Variants in MMAB observed in about 807,000 individuals in gnomAD.
MMAB encodes corrinoid adenosyltransferase MMAB.
MMAB carries 17 observed loss-of-function variants against 30.6 expected under a neutral mutation model. That is an observed-to-expected ratio of 0.56 (90% CI 0.38 to 0.83). The LOEUF is 0.83. MMAB is among the 40% of genes least tolerant of loss of function. The pLI is 0.00. For missense variants in MMAB, 311 were observed against 331.6 expected (o/e 0.94, Z 0.48); for synonymous variants, 134 against 138.6 (o/e 0.97, Z 0.23).
chr12:109,568,694 G>T, intron 3 of MMAB, 76 bp downstream of exon 3: 1 of 1,154,320 alleles, frequency 8.7e-7, no homozygotes, highest in Non-Finnish European at 1.3e-6. Context: ...CCCAGCATGC[G>T]TGAGAGCTTC....
chr12:109,560,240 AC>A (rs1386289177), intron 7 of MMAB, among the ~76,000 whole-genome samples: 1 of 152,154 alleles, frequency 6.6e-6, no homozygotes, highest in Non-Finnish European at 1.5e-5. Context: ...CTTGGCCCAG[AC>A]AGACGTGGAC....
At chr12:109,567,931 C>A (rs1180549271) in intron 3 of MMAB, 1 of 152,224 alleles carries the variant, frequency 6.6e-6, no homozygotes, top group Non-Finnish European at 1.5e-5. Context: ...AGCCGCTGCA[C>A]CTAGTCATTT....
At chr12:109,564,154 G>A (rs971461784) in intron 4 of MMAB, among the ~76,000 whole-genome samples, 11 of 152,172 alleles carry the variant, frequency 7.2e-5, no homozygotes, top group African/African-American at 2.4e-4. Flanking sequence ...CTTCGTTGAC[G>A]GGGGCTGTCC....
chr12:109,567,489 G>T (rs896567349), intron 3 of MMAB, among the ~76,000 whole-genome samples: 1 of 152,162 alleles, frequency 6.6e-6, no homozygotes, highest in East Asian at 1.9e-4. Context: ...TGCTCCCCCT[G>T]TCACCAGCCT....
At chr12:109,560,173 G>A (rs11067253) in intron 7 of MMAB, among the ~76,000 whole-genome samples, 36,887 of 152,140 alleles carry the variant, frequency 0.24, 4,606 homozygotes, top group Middle Eastern at 0.28. Flanking sequence ...ATCTGGGCCC[G>A]AGAGCCTTTC....
chr12:109,563,108 A>C (rs1416609652), intron 4 of MMAB, among the ~76,000 whole-genome samples: 2 of 152,380 alleles, frequency 1.3e-5, no homozygotes, highest in South Asian at 4.1e-4. Flanking sequence ...GCTTCTGACC[A>C]GCAGACCTTG....
Position 109,561,049 on chromosome 12 carries a change from G to A in MMAB, c.575C>T (p.Ala192Val). ...TCTCCAGCCCTCTTACCGTCTCTCG[G>A]CCCGGCGGCACACGGCCCGGCAGAA... The part of the protein sequence containing the change: ...LHFCRAVCRR[A>V]ERRVVPLVQM... Residue 192 changes from alanine to valine, a missense_variant, in exon 7 of 9, where the codon GCC becomes GTC. Coordinates refer to ENST00000545712, the MANE Select transcript of MMAB (RefSeq NM_052845.4). This position sits in a 1 kb window ranked among gnomAD's most constrained non-coding sequence, Gnocchi z 5.3. 1 of 1,594,306 alleles carries A rather than the reference G, an allele frequency of 6.3e-7. No homozygotes were observed. The highest frequency in any genetic ancestry group is 8.5e-7 in the Non-Finnish European group (1 of 1,170,756).
Position 109,558,373 on chromosome 12 carries a change from G to A in MMAB, c.644+723C>T, listed in dbSNP as rs181329711. On this transcript the variant is annotated intron_variant, in intron 8 of 8. Transcript: ENST00000545712. The surrounding 1 kb of genome is among the most constrained non-coding windows in gnomAD (Gnocchi z 4.3). Reference sequence around the variant, plus strand: ...GGAGCTGCTCAGGACCCGTCAAAGCGCCATGTCTCTGGGAGGAGTGGCCAC... The same window carrying A: ...GGAGCTGCTCAGGACCCGTCAAAGCACCATGTCTCTGGGAGGAGTGGCCAC... Among the ~76,000 whole-genome samples the A allele has an allele frequency of 2.6e-5, 4 of 152,126 alleles. No homozygotes were observed. The highest frequency in any genetic ancestry group is 2.1e-4 in the South Asian group (1 of 4,826).
At chr12:109,568,661 G>T in intron 3 of MMAB, 109 bp downstream of exon 3, 1 of 892,034 alleles carries the variant, frequency 1.1e-6, no homozygotes, top group Non-Finnish European at 1.9e-6. Flanking sequence ...TTCAATAAGG[G>T]CTGACAACCT....
chr12:109,573,304 T>C, intron 1 of MMAB, 43 bp downstream of exon 1: 6 of 1,612,232 alleles, frequency 3.7e-6, no homozygotes, highest in Non-Finnish European at 5.1e-6. Context: ...GACACCACGA[T>C]TCACGGCAGG....
At chr12:109,571,904 G>C (rs1227033720) in intron 1 of MMAB, among the ~76,000 whole-genome samples, 194 bp from the exon 2 acceptor site, 2 of 152,224 alleles carry the variant, frequency 1.3e-5, no homozygotes, top group Non-Finnish European at 2.9e-5. Flanking sequence ...GGCAAGACCA[G>C]AGCTGGATGA....
Position 109,561,286 on chromosome 12 carries a change from G to A in MMAB, c.519+134C>T, listed in dbSNP as rs776669649. ...GTGGGCAGGGCTGGGAGGGACCGGT[G>A]AGGACCTGGAGGGACTTGGGGAACT... On this transcript the variant is annotated intron_variant, in intron 6 of 8. Coordinates refer to ENST00000545712, the MANE Select transcript of MMAB (RefSeq NM_052845.4). The surrounding 1 kb of genome is among the most constrained non-coding windows in gnomAD (Gnocchi z 5.3). The A allele has an allele frequency of 1.9e-6, 3 of 1,568,998 alleles. No homozygotes were observed. Among genetic ancestry groups the A allele is most frequent in the East Asian group, 2.3e-5 (1 of 42,868 alleles).
At chr12:109,563,188 T>C (rs1318702072) in intron 4 of MMAB, among the ~76,000 whole-genome samples, 1 of 152,178 alleles carries the variant, frequency 6.6e-6, no homozygotes, top group Non-Finnish European at 1.5e-5. Flanking sequence ...TACTACCCAC[T>C]TGGTTGGCCA....
At chr12:109,562,006 C>T (rs983359219) in intron 4 of MMAB, among the ~76,000 whole-genome samples, 154 bp from the exon 5 acceptor site, 2 of 152,224 alleles carry the variant, frequency 1.3e-5, no homozygotes, top group Non-Finnish European at 2.9e-5. Context: ...CCATCCAAAT[C>T]TCATGTTAAA....
Position 109,558,586 on chromosome 12 carries a change from C to A in MMAB, c.644+510G>T, listed in dbSNP as rs763910091. 1.1e-4 allele frequency among the ~76,000 whole-genome samples: 16 copies of A among 152,248 alleles called. No individual in the cohort carries two copies. Among genetic ancestry groups the A allele is most frequent in the Non-Finnish European group, 1.5e-4 (10 of 67,996 alleles). On this transcript the variant is annotated intron_variant, in intron 8 of 8. Transcript: ENST00000545712. This position sits in a 1 kb window ranked among gnomAD's most constrained non-coding sequence, Gnocchi z 4.3. ...TGTGGCTCCAGCCTCATGGGCCGGC[C>A]GCGAGGCAGAGGAAGCCCTCCCTGG...
chr12:109,567,298 A>G, intron 3 of MMAB: 1 of 343,750 alleles, frequency 2.9e-6, no homozygotes, highest in Non-Finnish European at 5.7e-6. Flanking sequence ...GGGAATTATC[A>G]TGATGACTAC....
chr12:109,570,082 C>T (rs1394787744), intron 2 of MMAB: 1 of 315,036 alleles, frequency 3.2e-6, no homozygotes. Context: ...GCCAACATGG[C>T]AAATCCCCGT....
intron 4 of MMAB, chr12:109,564,914 T>C: frequency 1.5e-6 from 1 of 668,936 alleles, no homozygotes; most frequent in Middle Eastern, 4.0e-4. Flanking sequence ...GTGATCTTCC[T>C]GCCTCAGTCT....
chr12:109,556,655 C>G lies in MMAB; in HGVS notation c.*373G>C, dbSNP rs949942640. On this transcript the variant is annotated 3_prime_UTR_variant, in exon 9 of 9. Coordinates refer to ENST00000545712, the MANE Select transcript of MMAB (RefSeq NM_052845.4). Reference sequence around the variant, plus strand: ...CAGTGGGAGGGCTCTCTCTCACACACACACACACACACACACACACACACA... The same window carrying G: ...CAGTGGGAGGGCTCTCTCTCACACAGACACACACACACACACACACACACA... 6.3e-6 allele frequency: 2 copies of G among 315,838 alleles called. No individual in the cohort carries two copies. Among genetic ancestry groups the G allele is most frequent in the African/African-American group, 5.9e-5 (2 of 33,772 alleles). The allele number at this position is 315,838 out of a possible 1,614,324, so 19.6% of individuals were successfully genotyped here.
Sources: allele counts gnomAD v4.1 joint callset (sites outside exome capture counted in the v4.1 genomes callset), GRCh38; gene constraint gnomAD v4.1.1; non-coding constraint Gnocchi (gnomAD v3.1); transcripts MANE v1.5; gene names NCBI Gene and HGNC (gene_info 2026-07-23, HGNC 2026-07-21).